Variants in PECAM1 observed in about 807,000 individuals in gnomAD.
PECAM1 encodes the protein platelet and endothelial cell adhesion molecule 1.
A neutral mutation model predicts 13.8 loss-of-function variants in PECAM1; 8 were observed. The observed-to-expected ratio is 0.58, with a 90% CI of 0.34 to 1.05. The LOEUF is 1.05. Ranked by LOEUF, PECAM1 falls within the 50% of genes least tolerant of loss-of-function variation. The probability of loss-of-function intolerance (pLI) is 0.03; values close to 1 mark genes in which losing one functional copy is unlikely to be tolerated. For synonymous variants in PECAM1, 136 were observed against 52.6 expected (o/e 2.58, Z -6.86); for missense variants, 304 against 141.2 (o/e 2.15, Z -5.84).
At chr17:64,326,067 CTG>C (rs1453358953) in intron 15 of PECAM1, among the ~76,000 whole-genome samples, 2 of 152,146 alleles carry the variant, frequency 1.3e-5, no homozygotes, top group Non-Finnish European at 2.9e-5. Flanking sequence ...AGAAGCAACT[CTG>C]GAGTCAGCCT....
At chr17:64,348,931 C>A (rs1009996326) in intron 12 of PECAM1, among the ~76,000 whole-genome samples, 3 of 152,272 alleles carry the variant, frequency 2.0e-5, no homozygotes, top group Admixed American at 2.0e-4. Flanking sequence ...TGGCCTAGGT[C>A]CCTGTTTCTA....
intron 5 of PECAM1, among the ~76,000 whole-genome samples, chr17:64,364,202 G>A (rs147406108): frequency 0.38 from 58,106 of 151,968 alleles, 12,994 homozygotes; most frequent in East Asian, 0.54. Context: ...ACACCTCTAA[G>A]CAAATAAACT....
intron 7 of PECAM1, among the ~76,000 whole-genome samples, chr17:64,358,507 C>T (rs982160241): frequency 6.6e-6 from 1 of 152,168 alleles, no homozygotes; most frequent in Non-Finnish European, 1.5e-5. Context: ...CTCTGCCCAC[C>T]CATTCTCAAG....
intron 6 of PECAM1, 34 bp downstream of exon 6, chr17:64,363,115 T>A: frequency 2.1e-6 from 1 of 475,160 alleles, no homozygotes; most frequent in Non-Finnish European, 3.9e-6. Flanking sequence ...CATTCAACCC[T>A]GGATGTCCTC....
intron 13 of PECAM1, among the ~76,000 whole-genome samples, chr17:64,345,783 A>G (rs1412624697): frequency 6.7e-6 from 1 of 149,190 alleles, no homozygotes; most frequent in Non-Finnish European, 1.5e-5. Context: ...TCTCAGGTCC[A>G]GTCTAGACTT....
rs111221646 is a variant in PECAM1 at position 64,385,327 on chromosome 17, G to A, written c.91+5162C>T. 2.3e-3 allele frequency among the ~76,000 whole-genome samples: 350 copies of A among 152,308 alleles called. 3 individuals are homozygous for A. The highest frequency in any genetic ancestry group is 7.8e-3 in the African/African-American group (326 of 41,558). On this transcript the variant is annotated intron_variant, in intron 2 of 15. Transcript: ENST00000563924. ...ACCTCAAGGCCACTCATCAGTGGAT[G>A]GTGGTGCTCCCTGGAAACATGCGGC...
intron 10 of PECAM1, among the ~76,000 whole-genome samples, 196 bp from the exon 11 acceptor site, chr17:64,352,659 CT>C (rs1194634725): frequency 0.79 from 115,890 of 146,330 alleles, 51,497 homozygotes; most frequent in East Asian, 1. Flanking sequence ...TGTAAAAAAA[CT>C]TTTTTTTTTT....
At position 64,390,802 on chromosome 17, in the gene PECAM1, C is replaced by G. The variant is rs1487493316; in HGVS notation, c.-137G>C. On this transcript the variant is annotated 5_prime_UTR_variant, in exon 1 of 16. Coordinates refer to ENST00000563924, the MANE Select transcript of PECAM1 (RefSeq NM_000442.5). ...AAATTGCTCTGGTCACTTCTCCCGG[C>G]GCCTGCAGAGAGACCGGCTGTGGCG... 1 of 397,744 alleles carries G rather than the reference C, an allele frequency of 2.5e-6. No individual in the cohort carries two copies. The highest frequency in any genetic ancestry group is 4.4e-6 in the Non-Finnish European group (1 of 225,916). The allele number at this position is 397,744 out of a possible 1,614,324, so 24.6% of individuals were successfully genotyped here.
rs534852429 is a variant in PECAM1, at chr17:64,325,657, A to T, written c.2188-1812T>A. Among the ~76,000 whole-genome samples, 12 of 152,330 alleles carry T rather than the reference A, an allele frequency of 7.9e-5. No individual in the cohort carries two copies. The South Asian group carries it at 2.1e-3, about 26-fold the overall frequency. On this transcript the variant is annotated intron_variant, in intron 15 of 15. Coordinates refer to ENST00000563924, the MANE Select transcript of PECAM1 (RefSeq NM_000442.5). ...GAGGCTGAGGTGGGAGGATCACTTG[A>T]GTCTGGGAGATGGAGGTTGCAGTGA...
rs2143847176 is a variant in PECAM1 at position 64,370,036 on chromosome 17, G to A, written c.692-11C>T. 5 of 398,654 alleles carry A rather than the reference G, an allele frequency of 1.3e-5. No individual in the cohort carries two copies. The highest frequency in any genetic ancestry group is 1.1e-4 in the East Asian group (3 of 28,076). 24.7% of individuals were successfully genotyped at this position (398,654 alleles called of 1,614,324 possible). A position where few individuals can be genotyped will look rare whatever the true frequency, so the allele number is the denominator to read the frequency against. On this transcript the variant is annotated splice_polypyrimidine_tract_variant and intron_variant, in intron 4 of 15. Coordinates refer to ENST00000563924, the MANE Select transcript of PECAM1 (RefSeq NM_000442.5). ...GTGTAGAGAAGGATTCTGCAAGAGA[G>A]GAAGACAACCTGGTTGGACTCAGGT...
intron 5 of PECAM1, among the ~76,000 whole-genome samples, chr17:64,368,886 AT>A (rs2036171355): frequency 2.7e-5 from 4 of 147,154 alleles, no homozygotes; most frequent in Non-Finnish European, 6.0e-5. Flanking sequence ...AAGAAAATGT[AT>A]ATAAACCCAT....
At chr17:64,368,049 C>T (rs1003526551) in intron 5 of PECAM1, among the ~76,000 whole-genome samples, 2 of 152,248 alleles carry the variant, frequency 1.3e-5, no homozygotes, top group Admixed American at 6.5e-5. Context: ...AATAACTGAA[C>T]AAATGAATGA....
At chr17:64,345,758 C>G (rs1050405947) in intron 13 of PECAM1, among the ~76,000 whole-genome samples, 3 of 151,204 alleles carry the variant, frequency 2.0e-5, no homozygotes, top group Non-Finnish European at 4.4e-5. Flanking sequence ...TCAGGCCTGC[C>G]GCGTTCCCCA....
chr17:64,370,093 CT>C (rs2036206643), intron 4 of PECAM1, 68 bp from the exon 5 acceptor site: 1 of 398,212 alleles, frequency 2.5e-6, no homozygotes, highest in Non-Finnish European at 4.4e-6. Flanking sequence ...CTCTTCTGCT[CT>C]TTTTGCTGCT....
intron 6 of PECAM1, among the ~76,000 whole-genome samples, chr17:64,361,127 A>ATGTGTGTGTGTGTGTG (rs1384237450): frequency 0.025 from 1,195 of 46,872 alleles, 31 homozygotes; most frequent in African/African-American, 0.056. Context: ...GGCTGAGCAT[A>ATGTGTGTGTGTGTGTG]TATGTGTGTG....
Position 64,322,025 on chromosome 17 carries a change from A to G in PECAM1, c.*1791T>C. The G allele has an allele frequency of 1.7e-6, 2 of 1,198,654 alleles. No individual in the cohort carries two copies. Among genetic ancestry groups the G allele is most frequent in the Non-Finnish European group, 2.1e-6 (2 of 936,526 alleles). 74.3% of individuals were successfully genotyped at this position (1,198,654 alleles called of 1,614,324 possible). A position where few individuals can be genotyped will look rare whatever the true frequency, so the allele number is the denominator to read the frequency against. On this transcript the variant is annotated 3_prime_UTR_variant, in exon 16 of 16. Transcript: ENST00000563924. ...AATTGTATGACATTTTCGTGATACA[A>G]CTCGGTGTGTGTGTGTTGGGGAAAG...
Position 64,353,240 on chromosome 17 carries a change from G to T in PECAM1, c.1916+251C>A, listed in dbSNP as rs2035767718. ...GATTTCACAAATAATCATGTAGGAA[G>T]GACATGATCTCAGAATAAAAGCCAT... On this transcript the variant is annotated intron_variant, in intron 10 of 15. Coordinates refer to ENST00000563924, the MANE Select transcript of PECAM1 (RefSeq NM_000442.5). Among the ~76,000 whole-genome samples the T allele has an allele frequency of 2.6e-5, 4 of 151,566 alleles. No homozygotes were observed. In the East Asian group the frequency reaches 5.8e-4, roughly 22 times the overall value.
rs999613608 is a variant in PECAM1 at position 64,358,943 on chromosome 17, C to T, written c.1492+1197G>A. ...TCCCGAGTAGCTGGCATTAAAGGTG[C>T]CCACCACCACACCCAGCTAATTTTT... is the stretch of plus-strand genomic sequence containing the variant. On this transcript the variant is annotated intron_variant, in intron 7 of 15. Coordinates refer to ENST00000563924, the MANE Select transcript of PECAM1 (RefSeq NM_000442.5). Among the ~76,000 whole-genome samples, 984 of 151,954 alleles carry T rather than the reference C, an allele frequency of 6.5e-3. 41 individuals carry two copies. The highest frequency in any genetic ancestry group is 0.06 in the Admixed American group (915 of 15,224).
At chr17:64,331,957 C>A (rs2035135570) in intron 14 of PECAM1, among the ~76,000 whole-genome samples, 1 of 152,214 alleles carries the variant, frequency 6.6e-6, no homozygotes, top group African/African-American at 2.4e-5. Context: ...TCAGTATAGA[C>A]CCAGCCCCAA....
Sources: gnomAD v4.1 joint callset for allele counts (sites outside exome capture counted in the v4.1 genomes callset) on GRCh38, gnomAD v4.1.1 for gene constraint, MANE v1.5 for transcripts, NCBI Gene and HGNC (gene_info 2026-07-23, HGNC 2026-07-21) for gene names.